The following EXT1 variants were observed in gnomAD, a reference collection of about 807,000 sequenced individuals.
The protein encoded by EXT1 is exostosin glycosyltransferase 1.
EXT1 carries 20 observed loss-of-function variants against 82.5 expected under a neutral mutation model. That is an observed-to-expected ratio of 0.24 (90% confidence interval 0.17 to 0.35). The LOEUF (loss-of-function observed/expected upper bound fraction) is 0.35, where lower values mean the gene tolerates loss of function less well. Among genes scored for constraint, EXT1 ranks in the 10% least tolerant of loss-of-function variants. EXT1 has a pLI of 1.00. For missense variants in EXT1, 757 were observed against 936.5 expected, an observed-to-expected ratio of 0.81 and a Z score of 2.50; for synonymous variants, 348 against 350.8, an observed-to-expected ratio of 0.99 and a Z score of 0.09.
chr8:117,862,635 T>TA (rs1326532793), intron 1 of EXT1, among the ~76,000 whole-genome samples: 1 of 145,368 alleles, frequency 6.9e-6, no homozygotes, highest in Non-Finnish European at 1.5e-5. Context: ...AAAGGGGAAT[T>TA]AGACAGGAAT....
chr8:118,076,084 A>G (rs1280378779), intron 1 of EXT1, among the ~76,000 whole-genome samples: 10 of 152,232 alleles, frequency 6.6e-5, no homozygotes, highest in Non-Finnish European at 1.5e-4. Flanking sequence ...AGAGGGAAGT[A>G]TATTCCTAAA....
intron 1 of EXT1, among the ~76,000 whole-genome samples, chr8:117,964,489 G>T (rs1814765088): frequency 6.6e-6 from 1 of 152,108 alleles, no homozygotes; most frequent in Non-Finnish European, 1.5e-5. Flanking sequence ...TCCTCTTCTG[G>T]TTTAATTCTT....
chr8:117,813,899 G>A, intron 7 of EXT1, among the ~76,000 whole-genome samples: 1 of 151,904 alleles, frequency 6.6e-6, no homozygotes, highest in East Asian at 1.9e-4. Context: ...CTAGCTACTT[G>A]GGAGGCTGAG....
chr8:117,993,060 T>C (rs1355091547), intron 1 of EXT1, among the ~76,000 whole-genome samples: 2 of 152,194 alleles, frequency 1.3e-5, no homozygotes, highest in Non-Finnish European at 2.9e-5. Context: ...GCAGATGTTT[T>C]CTGCAGATAA....
chr8:118,036,365 T>C (rs1016778660), intron 1 of EXT1, among the ~76,000 whole-genome samples: 1 of 152,118 alleles, frequency 6.6e-6, no homozygotes, highest in Non-Finnish European at 1.5e-5. Context: ...ATAGTCTCCA[T>C]ATCTCTCAGT....
At chr8:117,952,522 C>T (rs1386998491) in intron 1 of EXT1, among the ~76,000 whole-genome samples, 1 of 152,168 alleles carries the variant, frequency 6.6e-6, no homozygotes, top group Non-Finnish European at 1.5e-5. Flanking sequence ...AATCCCAGCA[C>T]TTTGGGAGGC....
chr8:118,056,997 A>G (rs1816804781), intron 1 of EXT1, among the ~76,000 whole-genome samples: 1 of 152,168 alleles, frequency 6.6e-6, no homozygotes, highest in African/African-American at 2.4e-5. Flanking sequence ...GCCCTGGGAT[A>G]CAGGACAGGA....
intron 1 of EXT1, among the ~76,000 whole-genome samples, chr8:117,913,371 C>A (rs948069588): frequency 1.3e-5 from 2 of 152,146 alleles, no homozygotes; most frequent in Non-Finnish European, 2.9e-5. Flanking sequence ...AGTCTAGGGG[C>A]CCCAGTATAT....
chr8:117,802,917 A>T (rs1274688046), intron 10 of EXT1, among the ~76,000 whole-genome samples: 1 of 152,218 alleles, frequency 6.6e-6, no homozygotes, highest in African/African-American at 2.4e-5. Flanking sequence ...TATAAACTTT[A>T]AATTCTTTAT....
intron 1 of EXT1, among the ~76,000 whole-genome samples, chr8:117,973,845 G>C (rs1407276213): frequency 3.9e-5 from 5 of 129,284 alleles, no homozygotes; most frequent in Non-Finnish European, 8.0e-5. Flanking sequence ...GGAAAGGAAA[G>C]GAAAGGAAAG....
chr8:117,878,253 G>A (rs1035574143), intron 1 of EXT1, among the ~76,000 whole-genome samples: 2 of 152,188 alleles, frequency 1.3e-5, no homozygotes, highest in Non-Finnish European at 2.9e-5. Context: ...TAGCTTGGGC[G>A]ACAGAGTGTG....
At chr8:117,977,973 T>C (rs1035908390) in intron 1 of EXT1, among the ~76,000 whole-genome samples, 2 of 152,246 alleles carry the variant, frequency 1.3e-5, no homozygotes, top group Middle Eastern at 3.2e-3. Context: ...GCAGGTTTCA[T>C]TTCAAAGAAA....
At chr8:117,912,553 A>G (rs11781245) in intron 1 of EXT1, among the ~76,000 whole-genome samples, 35,814 of 152,108 alleles carry the variant, frequency 0.24, 5,202 homozygotes, top group East Asian at 0.36. Flanking sequence ...TCTGGGATGC[A>G]GGCTTCCTAA....
intron 1 of EXT1, among the ~76,000 whole-genome samples, chr8:118,071,000 G>A (rs1031209999): frequency 1.3e-5 from 2 of 152,180 alleles, no homozygotes; most frequent in African/African-American, 4.8e-5. Flanking sequence ...ATATTAATTT[G>A]TTTTGAAGTA....
intron 1 of EXT1, among the ~76,000 whole-genome samples, chr8:117,869,999 G>T (rs1423619362): frequency 3.3e-5 from 5 of 152,052 alleles, no homozygotes; most frequent in Non-Finnish European, 7.4e-5. Context: ...AGGTGATGTT[G>T]CTACCCCTGT....
chr8:117,915,305 T>C (rs1331489571), intron 1 of EXT1, among the ~76,000 whole-genome samples: 1 of 152,140 alleles, frequency 6.6e-6, no homozygotes, highest in East Asian at 1.9e-4. Flanking sequence ...GTGGAATAAT[T>C]CTGCATAGAA....
intron 1 of EXT1, among the ~76,000 whole-genome samples, chr8:118,043,475 ATG>A (rs1816568028): frequency 6.6e-6 from 1 of 152,206 alleles, no homozygotes; most frequent in Non-Finnish European, 1.5e-5. Context: ...ATGCCATCAC[ATG>A]TGACTTTTTT....
chr8:118,097,462 A>G (rs1817642102), intron 1 of EXT1, among the ~76,000 whole-genome samples: 1 of 152,118 alleles, frequency 6.6e-6, no homozygotes, highest in Non-Finnish European at 1.5e-5. Context: ...AATAAAAATA[A>G]ATGAATAAAA....
chr8:118,042,643 C>T (rs1459220076), intron 1 of EXT1, among the ~76,000 whole-genome samples: 1 of 152,170 alleles, frequency 6.6e-6, no homozygotes, highest in Non-Finnish European at 1.5e-5. Context: ...CCTGCCATTC[C>T]TACAATTAGG....
Sources: gnomAD v4.1 joint callset for allele counts (sites outside exome capture counted in the v4.1 genomes callset) on GRCh38, gnomAD v4.1.1 for gene constraint, MANE v1.5 for transcripts, NCBI Gene and HGNC (gene_info 2026-07-23, HGNC 2026-07-21) for gene names.